CTTNBP2: variants seen among roughly 807,000 people sequenced by gnomAD.
The protein encoded by CTTNBP2 is cortactin-binding protein 2.
A neutral mutation model predicts 156.9 loss-of-function variants in CTTNBP2; 108 were observed. The observed-to-expected ratio is 0.69, with a 90% CI of 0.59 to 0.81. The LOEUF (loss-of-function observed/expected upper bound fraction) is 0.81, where lower values mean the gene tolerates loss of function less well. Ranked by LOEUF, CTTNBP2 falls within the 30% of genes least tolerant of loss-of-function variation. The probability of loss-of-function intolerance (pLI) is 0.00; values close to 1 mark genes in which losing one functional copy is unlikely to be tolerated. For missense variants in CTTNBP2, 1,924 were observed against 2,035.4 expected (o/e 0.95, Z 1.05); for synonymous variants, 767 against 751.8 (o/e 1.02, Z -0.33).
intron 1 of CTTNBP2, among the ~76,000 whole-genome samples, chr7:117,866,046 G>A (rs1051458432): frequency 6.6e-6 from 1 of 151,294 alleles, no homozygotes; most frequent in African/African-American, 2.4e-5. Flanking sequence ...CAACACTGTA[G>A]TTTTGAACAG....
Position 117,724,675 on chromosome 7 carries a change from G to A in CTTNBP2, c.4319C>T (p.Ser1440Phe). 6.2e-7 allele frequency: 1 copy of A among 1,614,172 alleles called. No homozygotes were observed. The highest frequency in any genetic ancestry group is 1.1e-5 in the South Asian group (1 of 91,080). The change falls in exon 19 of 23, where the codon TCC becomes TTC. Residue 1440 changes from serine to phenylalanine, a missense_variant. By Grantham distance (155) the Ser-to-Phe change is radical. Transcript: ENST00000160373. ...CTTCTTGTTACAAGTGTTATAACTG[G>A]AAACTATGGATAAAGGGAAACTTCC... ...KGGSFPLSIV[S>F]SYNTCNKKKG...
chr7:117,849,766 T>TTAGA (rs1480335025), intron 2 of CTTNBP2, among the ~76,000 whole-genome samples: 1 of 152,204 alleles, frequency 6.6e-6, no homozygotes, highest in Non-Finnish European at 1.5e-5. Context: ...CCATAATTCA[T>TTAGA]CTTCATTAGA....
chr7:117,826,540 T>C (rs1458540034), intron 2 of CTTNBP2, among the ~76,000 whole-genome samples: 1 of 152,280 alleles, frequency 6.6e-6, no homozygotes, highest in African/African-American at 2.4e-5. Context: ...ATATTGTTTG[T>C]AGCCCTAAAA....
At chr7:117,753,808 A>T (rs532827577) in intron 12 of CTTNBP2, among the ~76,000 whole-genome samples, 172 of 152,288 alleles carry the variant, frequency 1.1e-3, no homozygotes, top group Non-Finnish European at 1.8e-3. Flanking sequence ...TATCTAATGG[A>T]TGCTGGGCTT....
intron 4 of CTTNBP2, among the ~76,000 whole-genome samples, chr7:117,790,566 A>C (rs1798935503): frequency 6.6e-6 from 1 of 151,778 alleles, no homozygotes; most frequent in Non-Finnish European, 1.5e-5. Context: ...CTTAGAACAG[A>C]TTTATAAATA....
intron 8 of CTTNBP2, 135 bp from the exon 9 acceptor site, chr7:117,767,311 C>T: frequency 3.2e-6 from 2 of 634,888 alleles, no homozygotes; most frequent in Non-Finnish European, 2.8e-6. Context: ...ATTCCATCAA[C>T]CCCAATATAC....
At chr7:117,724,958 T>TA (rs1288105761) in intron 18 of CTTNBP2, 94 bp downstream of exon 18, 22 of 1,230,658 alleles carry the variant, frequency 1.8e-5, no homozygotes, top group African/African-American at 1.7e-4. Context: ...TATATTTTTC[T>TA]AATTACAAAG....
chr7:117,785,450 T>C (rs1000325156), intron 4 of CTTNBP2, among the ~76,000 whole-genome samples: 3 of 152,236 alleles, frequency 2.0e-5, no homozygotes, highest in African/African-American at 7.2e-5. Context: ...TTCCGCTTTT[T>C]CCTTATAGGG....
intron 2 of CTTNBP2, among the ~76,000 whole-genome samples, chr7:117,844,986 A>G (rs1388844888): frequency 1.3e-5 from 2 of 152,204 alleles, no homozygotes; most frequent in Non-Finnish European, 2.9e-5. Flanking sequence ...GCATTGAGAA[A>G]TGCCATACAA....
At chr7:117,753,214 C>T (rs535611884) in intron 12 of CTTNBP2, among the ~76,000 whole-genome samples, 145 of 152,252 alleles carry the variant, frequency 9.5e-4, no homozygotes, top group African/African-American at 3.3e-3. Flanking sequence ...TACCATCTCA[C>T]GCCAGTCAGA....
At chr7:117,799,843 T>C (rs1028781177) in intron 3 of CTTNBP2, among the ~76,000 whole-genome samples, 3 of 152,012 alleles carry the variant, frequency 2.0e-5, no homozygotes, top group African/African-American at 7.2e-5. Context: ...ACATACAAAG[T>C]CAATTGAATA....
chr7:117,728,086 T>TA lies in CTTNBP2; in HGVS notation c.4055+2dup. 6.2e-7 allele frequency: 1 copy of TA among 1,610,920 alleles called. No individual in the cohort carries two copies. The highest frequency in any genetic ancestry group is 8.5e-7 in the Non-Finnish European group (1 of 1,178,616). ...CAGAAAGATAAGGAAAAATGGCACTTACTTCACTGTCACTTGGGCATGCCC... is the reference window on the plus strand; with the variant it reads ...CAGAAAGATAAGGAAAAATGGCACTTAACTTCACTGTCACTTGGGCATGCCC... On this transcript the variant is annotated splice_region_variant and intron_variant, in intron 17 of 22. Transcript: ENST00000160373.
At position 117,745,779 on chromosome 7, in the gene CTTNBP2, T is replaced by C; in HGVS notation, c.3535+52A>G. 8.4e-6 allele frequency: 10 copies of C among 1,188,312 alleles called. No individual in the cohort carries two copies. In the South Asian group the frequency reaches 8.7e-5, roughly 10 times the overall value. The allele number at this position is 1,188,312 out of a possible 1,614,324, so 73.6% of individuals were successfully genotyped here. ...AGTGTATTTTCTCTTAATGGCATAA[T>C]TGAAGAGCATGCCTTTAGGTTATCA... On this transcript the variant is annotated intron_variant, in intron 14 of 22. Transcript: ENST00000160373.
chr7:117,829,807 T>C (rs1801494400), intron 2 of CTTNBP2, among the ~76,000 whole-genome samples: 1 of 152,236 alleles, frequency 6.6e-6, no homozygotes, highest in South Asian at 2.1e-4. Context: ...AGAGTATATA[T>C]GAGGCATCCT....
intron 2 of CTTNBP2, among the ~76,000 whole-genome samples, chr7:117,818,564 G>A (rs1025089425): frequency 2.6e-5 from 4 of 152,168 alleles, no homozygotes; most frequent in Admixed American, 2.0e-4. Context: ...CCATGAAATG[G>A]ACACTGCCCC....
At chr7:117,754,807 G>A (rs1796799702) in intron 12 of CTTNBP2, among the ~76,000 whole-genome samples, 1 of 152,184 alleles carries the variant, frequency 6.6e-6, no homozygotes, top group African/African-American at 2.4e-5. Flanking sequence ...GTGAAATTAT[G>A]TCTTATGTAT....
chr7:117,713,402 A>G, intron 22 of CTTNBP2, among the ~76,000 whole-genome samples: 1 of 152,154 alleles, frequency 6.6e-6, no homozygotes, highest in South Asian at 2.1e-4. Flanking sequence ...CTAAAACTGT[A>G]TTTATTGCAT....
Position 117,741,776 on chromosome 7 carries a change from C to A in CTTNBP2, c.3535+4055G>T, listed in dbSNP as rs1796029845. 2.0e-5 allele frequency among the ~76,000 whole-genome samples: 3 copies of A among 152,180 alleles called. No individual in the cohort carries two copies. In the South Asian group the frequency reaches 6.2e-4, roughly 31 times the overall value. ...GACATCAATGACTCCCTTATCAATA[C>A]CTGTCTTTCTAATCTTACTTCTTTC... On this transcript the variant is annotated intron_variant, in intron 14 of 22. Coordinates refer to ENST00000160373, the MANE Select transcript of CTTNBP2 (RefSeq NM_033427.3).
intron 2 of CTTNBP2, among the ~76,000 whole-genome samples, chr7:117,836,442 T>C (rs1357895359): frequency 6.6e-6 from 1 of 152,060 alleles, no homozygotes; most frequent in East Asian, 1.9e-4. Flanking sequence ...TGGGCGCCTG[T>C]AGTCCCAGCC....
Sources: gnomAD v4.1 joint callset for allele counts (sites outside exome capture counted in the v4.1 genomes callset) on GRCh38, gnomAD v4.1.1 for gene constraint, MANE v1.5 for transcripts, NCBI Gene and HGNC (gene_info 2026-07-23, HGNC 2026-07-21) for gene names.